Variants in DAB2IP observed in about 807,000 individuals in gnomAD.
The protein encoded by DAB2IP is disabled homolog 2-interacting protein.
Under a neutral mutation model 107.2 loss-of-function variants are expected in DAB2IP, and 28 were observed. The ratio of observed to expected loss-of-function variants is 0.26; its 90% CI spans 0.19 to 0.36. The LOEUF (loss-of-function observed/expected upper bound fraction) is 0.36. Among genes scored for constraint, DAB2IP ranks in the 10% least tolerant of loss-of-function variants. The pLI is 1.00. For synonymous variants in DAB2IP, 755 were observed against 706.4 expected, an observed-to-expected ratio of 1.07 and a Z score of -1.09; for missense variants, 1,400 against 1,644.7, an observed-to-expected ratio of 0.85 and a Z score of 2.57.
At chr9:121,743,155 C>T (rs1832469233) in intron 3 of DAB2IP, among the ~76,000 whole-genome samples, 1 of 152,182 alleles carries the variant, frequency 6.6e-6, no homozygotes, top group Non-Finnish European at 1.5e-5. Context: ...TCAGCTTCCT[C>T]ATCTGAAAGA....
chr9:121,717,931 C>A (rs761177405), intron 3 of DAB2IP, among the ~76,000 whole-genome samples: 1 of 152,160 alleles, frequency 6.6e-6, no homozygotes, highest in Admixed American at 6.5e-5. Flanking sequence ...GTTTGGGCCG[C>A]GTTATGACAG....
intron 9 of DAB2IP, among the ~76,000 whole-genome samples, chr9:121,767,503 T>G (rs1441505550): frequency 1.3e-5 from 2 of 152,150 alleles, no homozygotes. Flanking sequence ...GGTGAGGCGT[T>G]CATTGTCTCA....
At chr9:121,667,385 G>A (rs1367506898) in intron 1 of DAB2IP, among the ~76,000 whole-genome samples, 1 of 151,958 alleles carries the variant, frequency 6.6e-6, no homozygotes, top group African/African-American at 2.4e-5. Flanking sequence ...CCCCTCCCTC[G>A]GGGAGCACTA....
chr9:121,641,550 C>A (rs1252576112), intron 1 of DAB2IP, among the ~76,000 whole-genome samples: 2 of 152,198 alleles, frequency 1.3e-5, no homozygotes. Flanking sequence ...GCCAGAGGAG[C>A]CTTGTTCAAA....
At chr9:121,622,149 C>T (rs1021642215) in intron 1 of DAB2IP, among the ~76,000 whole-genome samples, 15 of 151,438 alleles carry the variant, frequency 9.9e-5, no homozygotes, top group Non-Finnish European at 1.9e-4. Flanking sequence ...CCACCACGCT[C>T]GGCTAATTTT....
intron 1 of DAB2IP, among the ~76,000 whole-genome samples, chr9:121,671,808 A>G (rs1174702850): frequency 3.9e-5 from 6 of 152,136 alleles, no homozygotes; most frequent in South Asian, 4.1e-4. Context: ...GTAATGTTCT[A>G]TTGAATGACT....
Position 121,621,270 on chromosome 9 carries a change from T to C in DAB2IP, c.40+54042T>C, listed in dbSNP as rs368440095. Among the ~76,000 whole-genome samples the C allele has an allele frequency of 7.6e-4, 116 of 152,264 alleles. 1 individual carries two copies. Among genetic ancestry groups the C allele is most frequent in the African/African-American group, 2.7e-3 (111 of 41,574 alleles). ...GACCTTGGTCTGAGGGGTCCCTCCC[T>C]TGCTCAAGGTATAATCAAGTCCCTG... is the stretch of plus-strand genomic sequence containing the variant. On this transcript the variant is annotated intron_variant, in intron 1 of 16. Coordinates refer to the DAB2IP transcript ENST00000259371.
chr9:121,678,229 C>A (rs866481879), intron 1 of DAB2IP, among the ~76,000 whole-genome samples: 5 of 152,348 alleles, frequency 3.3e-5, no homozygotes, highest in Admixed American at 6.5e-5. Context: ...CTAGATAGTT[C>A]ATATAAATGG....
chr9:121,575,648 T>G (rs1830040643), intron 1 of DAB2IP, among the ~76,000 whole-genome samples: 1 of 152,048 alleles, frequency 6.6e-6, no homozygotes, highest in African/African-American at 2.4e-5. Context: ...ACCCCACACA[T>G]CAGGCCCAGT....
chr9:121,679,413 T>TACACACAC (rs3138857), intron 2 of DAB2IP, among the ~76,000 whole-genome samples: 6,299 of 135,496 alleles, frequency 0.046, 170 homozygotes, highest in South Asian at 0.074. Flanking sequence ...TTTGTGCATG[T>TACACACAC]ACACACACAC....
At chr9:121,573,325 C>T (rs1005328265) in intron 1 of DAB2IP, among the ~76,000 whole-genome samples, 13 of 152,080 alleles carry the variant, frequency 8.5e-5, no homozygotes, top group Admixed American at 5.2e-4. Context: ...GATCCACCCG[C>T]CTTGGCCTCC....
intron 3 of DAB2IP, among the ~76,000 whole-genome samples, chr9:121,732,359 A>G (rs948879798): frequency 1.3e-5 from 2 of 152,232 alleles, no homozygotes; most frequent in Non-Finnish European, 2.9e-5. Flanking sequence ...ATGTGTCAAC[A>G]TCACTGTGGA....
chr9:121,757,002 T>C lies in DAB2IP; in HGVS notation c.363-11T>C. 1 of 1,613,734 alleles carries C rather than the reference T, an allele frequency of 6.2e-7. No individual in the cohort carries two copies. The highest frequency in any genetic ancestry group is 8.5e-7 in the Non-Finnish European group (1 of 1,179,874). On this transcript the variant is annotated splice_polypyrimidine_tract_variant and intron_variant, in intron 3 of 15. Coordinates refer to ENST00000408936, the Ensembl canonical transcript of DAB2IP. Reference sequence around the variant, plus strand: ...GTGGGGGCCCACCTGACACACCTACTGCCACCCCAGGTCCCATCTGATGCC... The same window carrying C: ...GTGGGGGCCCACCTGACACACCTACCGCCACCCCAGGTCCCATCTGATGCC...
intron 2 of DAB2IP, among the ~76,000 whole-genome samples, chr9:121,683,576 G>A (rs1175246708): frequency 6.6e-6 from 1 of 152,240 alleles, no homozygotes; most frequent in African/African-American, 2.4e-5. Context: ...AGAAGGAGAA[G>A]TGTCAGGGAG....
intron 1 of DAB2IP, among the ~76,000 whole-genome samples, chr9:121,656,134 G>A (rs946233346): frequency 2.0e-5 from 3 of 151,740 alleles, no homozygotes; most frequent in Non-Finnish European, 4.4e-5. Flanking sequence ...TCAGCCTCCC[G>A]AGTAGCTGGG....
chr9:121,592,130 G>A (rs1271636008), intron 1 of DAB2IP, among the ~76,000 whole-genome samples: 1 of 152,184 alleles, frequency 6.6e-6, no homozygotes, highest in Non-Finnish European at 1.5e-5. Context: ...CACTTTGGGA[G>A]GCCGAGGTAG....
intron 8 of DAB2IP, among the ~76,000 whole-genome samples, chr9:121,765,824 G>A (rs1834239291): frequency 6.6e-6 from 1 of 152,222 alleles, no homozygotes; most frequent in Non-Finnish European, 1.5e-5. Flanking sequence ...CCATTGTCTA[G>A]GGCCAGCTCT....
intron 1 of DAB2IP, among the ~76,000 whole-genome samples, chr9:121,629,137 G>A (rs955944073): frequency 2.0e-5 from 3 of 152,170 alleles, no homozygotes; most frequent in African/African-American, 4.8e-5. Context: ...TGGTGAAGGC[G>A]ACAGAAATGA....
intron 3 of DAB2IP, chr9:121,751,969 G>A (rs1221666734): frequency 2.0e-6 from 2 of 985,368 alleles, no homozygotes; most frequent in African/African-American, 1.7e-5. Context: ...AGGATTCCAT[G>A]CCATGGAGGA....
Sources: allele counts gnomAD v4.1 joint callset (sites outside exome capture counted in the v4.1 genomes callset), GRCh38; gene constraint gnomAD v4.1.1; transcripts MANE v1.5; gene names NCBI Gene and HGNC (gene_info 2026-07-23, HGNC 2026-07-21).